The following EME1 variants were observed in gnomAD, a reference collection of about 807,000 sequenced individuals.
The protein encoded by EME1 is structure-specific endonuclease subunit EME1.
A neutral mutation model predicts 59.1 loss-of-function variants in EME1; 61 were observed. The ratio of observed to expected loss-of-function variants is 1.03; its 90% CI spans 0.84 to 1.28. EME1 has a LOEUF of 1.28. EME1 is among the 50% of genes most tolerant of loss of function. The probability of loss-of-function intolerance (pLI) is 0.00; values close to 1 mark genes in which losing one functional copy is unlikely to be tolerated. For missense variants in EME1, 635 were observed against 682.6 expected (o/e 0.93, Z 0.78); for synonymous variants, 230 against 254.2 (o/e 0.90, Z 0.90).
chr17:50,376,836 C>G (rs916586695), intron 3 of EME1, among the ~76,000 whole-genome samples: 1 of 152,212 alleles, frequency 6.6e-6, no homozygotes, highest in African/African-American at 2.4e-5. Flanking sequence ...CTAGTCCTCT[C>G]CTCGGGTCCC....
chr17:50,379,873 T>C, intron 7 of EME1: 2 of 353,742 alleles, frequency 5.7e-6, no homozygotes, highest in South Asian at 4.1e-5. Context: ...TAATAAGCAC[T>C]AGGAAAGCAA....
rs1475431709 is a variant in EME1, at chr17:50,379,215, C to T, written c.1221C>T (p.Asp407=). 4.3e-6 allele frequency: 7 copies of T among 1,613,972 alleles called. No individual in the cohort carries two copies. The African/African-American group carries it at 6.7e-5, about 15-fold the overall frequency. Residue 407 remains aspartate (D), a synonymous_variant, in exon 6 of 9, where the codon GAC becomes GAT. Coordinates refer to ENST00000338165, the MANE Select transcript of EME1 (RefSeq NM_152463.4). ...ASIGSMVSRV[D]AEEALVDLQL... Reference sequence around the variant, plus strand: ...TAGGGTCCATGGTATCCAGGGTAGACGCTGAAGAGGTAAGAACGTCCTGTT... The same window carrying T: ...TAGGGTCCATGGTATCCAGGGTAGATGCTGAAGAGGTAAGAACGTCCTGTT...
intron 7 of EME1, 116 bp from the exon 8 acceptor site, chr17:50,380,196 G>A: frequency 9.4e-7 from 1 of 1,063,330 alleles, no homozygotes; most frequent in Non-Finnish European, 1.3e-6. Flanking sequence ...AAGGCCAGAT[G>A]TAACATGGCG....
intron 3 of EME1, 44 bp downstream of exon 3, chr17:50,376,237 C>T (rs374269746): frequency 1.2e-6 from 2 of 1,600,318 alleles, no homozygotes; most frequent in African/African-American, 2.7e-5. Context: ...CCTCCCCTTA[C>T]AATTACAGGA....
Position 50,376,125 on chromosome 17 carries a change from C to A in EME1, c.835C>A (p.Arg279Ser). 1 of 1,614,042 alleles carries A rather than the reference C, an allele frequency of 6.2e-7. No individual in the cohort carries two copies. The highest frequency in any genetic ancestry group is 8.5e-7 in the Non-Finnish European group (1 of 1,180,020). The change falls in exon 3 of 9, where the codon CGC becomes AGC. Residue 279 changes from arginine (R) to serine (S), a missense_variant. Arg to Ser is a moderately radical substitution (Grantham distance 110). Coordinates refer to ENST00000338165, the MANE Select transcript of EME1 (RefSeq NM_152463.4). ...AGGAGCACTGCAGACCATGGAGTGCCGCTGTGTGATTGAGGCGCAGGCTGT... is the reference window on the plus strand; with the variant it reads ...AGGAGCACTGCAGACCATGGAGTGCAGCTGTGTGATTGAGGCGCAGGCTGT... ...LLGALQTMECRCVIEAQAVPC... is the reference protein window; with the variant it reads ...LLGALQTMECSCVIEAQAVPC...
rs1913645327 is a variant in EME1 at position 50,379,183 on chromosome 17, G to A, written c.1189G>A (p.Ala397Thr). 3.7e-6 allele frequency: 6 copies of A among 1,614,080 alleles called. No homozygotes were observed. The highest frequency in any genetic ancestry group is 2.2e-5 in the East Asian group (1 of 44,896). The change falls in exon 6 of 9, where the codon GCC becomes ACC. Residue 397 changes from alanine to threonine, a missense_variant. Transcript: ENST00000338165. The part of the protein sequence containing the change: ...TKKQQQRQPE[A>T]SIGSMVSRVD... ...GAAGCAGCAGCAGAGACAACCAGAGGCCAGCATAGGGTCCATGGTATCCAG... is the reference window on the plus strand; with the variant it reads ...GAAGCAGCAGCAGAGACAACCAGAGACCAGCATAGGGTCCATGGTATCCAG...
chr17:50,376,031 C>G, intron 2 of EME1, 35 bp from the exon 3 acceptor site: 1 of 1,607,938 alleles, frequency 6.2e-7, no homozygotes, highest in Non-Finnish European at 8.5e-7. Flanking sequence ...GCGTTCTGGA[C>G]CCCCCACTGA....
intron 4 of EME1, 33 bp from the exon 5 acceptor site, chr17:50,378,741 A>T (rs1333947222): frequency 6.2e-7 from 1 of 1,614,194 alleles, no homozygotes; most frequent in East Asian, 2.2e-5. Context: ...ACTAGGAAGC[A>T]AGTATTAATG....
At position 50,373,239 on chromosome 17, in the gene EME1, C is replaced by T; in HGVS notation, c.-63C>T. The T allele has an allele frequency of 6.3e-7, 1 of 1,582,150 alleles. No homozygotes were observed. Among genetic ancestry groups the T allele is most frequent in the Non-Finnish European group, 8.6e-7 (1 of 1,157,066 alleles). ...GCTATCAGGAGATCTACTTCCGGGC[C>T]CTGCGTGGCAGTTGAAAGAGTGGCG... On this transcript the variant is annotated 5_prime_UTR_variant, in exon 1 of 9. Transcript: ENST00000338165.
rs553794060 is a variant in EME1 at position 50,378,615 on chromosome 17, G to A, written c.924G>A (p.Glu308=). 1 of 1,613,946 alleles carries A rather than the reference G, an allele frequency of 6.2e-7. No homozygotes were observed. Among genetic ancestry groups the A allele is most frequent in the South Asian group, 1.1e-5 (1 of 91,068 alleles). Residue 308 remains glutamate, a synonymous_variant, in exon 4 of 9, where the codon GAG becomes GAA. Coordinates refer to ENST00000338165, the MANE Select transcript of EME1 (RefSeq NM_152463.4). The part of the protein sequence containing the change: ...GPSEDREDWV[E]EPTVLVLLRA... ...GGCAGGACAGAGAGGACTGGGTGGA[G>A]GAGCCAACAGTACTGGTGTTGCTCC...
intron 7 of EME1, 29 bp from the exon 8 acceptor site, chr17:50,380,283 C>T (rs1472480733): frequency 1.3e-6 from 2 of 1,570,432 alleles, no homozygotes; most frequent in East Asian, 2.4e-5. Flanking sequence ...TAATGAGCAA[C>T]TTACAGCTCT....
At position 50,381,229 on chromosome 17, in the gene EME1, C is replaced by CT; in HGVS notation, c.*290_*291insT. The CT allele has an allele frequency of 2.6e-6, 1 of 383,478 alleles. No individual in the cohort carries two copies. Among genetic ancestry groups the CT allele is most frequent in the Non-Finnish European group, 4.8e-6 (1 of 209,400 alleles). The allele number at this position is 383,478 out of a possible 1,614,324, so 23.8% of individuals were successfully genotyped here. A position where few individuals can be genotyped will look rare whatever the true frequency, so the allele number is the denominator to read the frequency against. On this transcript the variant is annotated 3_prime_UTR_variant, in exon 9 of 9. Transcript: ENST00000338165. The stretch of plus-strand genomic sequence containing the variant: ...AGCCAGCCCTCAAAACACAAAGGAA[C>CT]AAAGACAGTCCACTCAGACACTTAT...
chr17:50,381,223 A>C lies in EME1; in HGVS notation c.*284A>C. The C allele has an allele frequency of 4.9e-6, 2 of 405,632 alleles. No homozygotes were observed. The highest frequency in any genetic ancestry group is 9.0e-6 in the Non-Finnish European group (2 of 221,906). The allele number at this position is 405,632 out of a possible 1,614,324, so 25.1% of individuals were successfully genotyped here. ...CTACCCAGCCAGCCCTCAAAACACA[A>C]AGGAACAAAGACAGTCCACTCAGAC... is the stretch of plus-strand genomic sequence containing the variant. On this transcript the variant is annotated 3_prime_UTR_variant, in exon 9 of 9. Transcript: ENST00000338165.
In EME1 at chr17:50,380,863, GACCAGAACTATCCAGGCGTATCTA is replaced by G. The variant is rs750917722; in HGVS notation, c.1638_1661del (p.Pro547_Tyr554del). On this transcript the variant is annotated inframe_deletion, in exon 9 of 9. Coordinates refer to ENST00000338165, the MANE Select transcript of EME1 (RefSeq NM_152463.4). ...GTGACATCCACTTCTCGCCGCATTG[GACCAGAACTATCCAGGCGTATCTA>G]CCTTCAGATGACCACTTTACAGCCA... 6 of 1,614,170 alleles carry G rather than the reference GACCAGAACTATCCAGGCGTATCTA, an allele frequency of 3.7e-6. No individual in the cohort carries two copies. The highest frequency in any genetic ancestry group is 5.1e-6 in the Non-Finnish European group (6 of 1,180,038).
chr17:50,373,337 C>G, intron 1 of EME1, 60 bp downstream of exon 1: 1 of 882,516 alleles, frequency 1.1e-6, no homozygotes, highest in Non-Finnish European at 1.8e-6. Flanking sequence ...GAACACCGCT[C>G]TGCAGAATCT....
chr17:50,373,412 G>A (rs938015793), intron 1 of EME1, 135 bp downstream of exon 1: 4 of 589,234 alleles, frequency 6.8e-6, no homozygotes, highest in Non-Finnish European at 1.2e-5. Flanking sequence ...AGAGCTTGTC[G>A]GGCAGGGGCC....
intron 6 of EME1, 38 bp downstream of exon 6, chr17:50,379,262 C>CA (rs1913653428): frequency 6.2e-7 from 1 of 1,612,500 alleles, no homozygotes; most frequent in South Asian, 1.1e-5. Flanking sequence ...GCTGGGTACT[C>CA]ACTGGTCACC....
chr17:50,380,080 G>T (rs1056057760), intron 7 of EME1: 11 of 471,318 alleles, frequency 2.3e-5, no homozygotes, highest in African/African-American at 1.9e-4. Context: ...AAAGAATCTG[G>T]TATCTTTTCT....
At position 50,380,860 on chromosome 17, in the gene EME1, T is replaced by C. The variant is rs776292583; in HGVS notation, c.1634T>C (p.Ile545Thr). 16 of 1,614,182 alleles carry C rather than the reference T, an allele frequency of 9.9e-6. No homozygotes were observed. Among genetic ancestry groups the C allele is most frequent in the Admixed American group, 6.7e-5 (4 of 60,022 alleles). Reference protein sequence around the residue: ...GEGVTSTSRRIGPELSRRIYL... With the variant: ...GEGVTSTSRRTGPELSRRIYL... ...GGTGTGACATCCACTTCTCGCCGCATTGGACCAGAACTATCCAGGCGTATC... is the reference window on the plus strand; with the variant it reads ...GGTGTGACATCCACTTCTCGCCGCACTGGACCAGAACTATCCAGGCGTATC... The change falls in exon 9 of 9, where the codon ATT (isoleucine) becomes ACT (threonine). Residue 545 changes from isoleucine (I) to threonine (T), a missense_variant. Ile to Thr is a moderately conservative substitution (Grantham distance 89). Transcript: ENST00000338165.
Sources: gnomAD v4.1 joint callset for allele counts (sites outside exome capture counted in the v4.1 genomes callset) on GRCh38, gnomAD v4.1.1 for gene constraint, MANE v1.5 for transcripts, NCBI Gene and HGNC (gene_info 2026-07-23, HGNC 2026-07-21) for gene names.